Variants in COL14A1 observed in about 807,000 individuals in gnomAD.
COL14A1 encodes the protein collagen alpha-1(XIV) chain.
A neutral mutation model predicts 230.3 loss-of-function variants in COL14A1; 136 were observed. The observed-to-expected ratio is 0.59, with a 90% CI of 0.51 to 0.68. COL14A1 has a LOEUF of 0.68. Among genes scored for constraint, COL14A1 ranks in the 30% least tolerant of loss-of-function variants. The pLI is 0.00. For synonymous variants in COL14A1, 792 were observed against 784.1 expected (o/e 1.01, Z -0.17); for missense variants, 1,976 against 2,215.8 (o/e 0.89, Z 2.17).
At chr8:120,209,684 T>C (rs1817560702) in intron 11 of COL14A1, 72 bp from the exon 12 acceptor site, 3 of 1,444,658 alleles carry the variant, frequency 2.1e-6, no homozygotes, top group Non-Finnish European at 2.8e-6. Flanking sequence ...TCAATCTTAT[T>C]TCTTGATAAT....
chr8:120,335,288 A>G (rs1822016956), intron 42 of COL14A1, among the ~76,000 whole-genome samples: 1 of 152,230 alleles, frequency 6.6e-6, no homozygotes, highest in African/African-American at 2.4e-5. Flanking sequence ...CCCACAAATA[A>G]AACACTTGTT....
intron 34 of COL14A1, among the ~76,000 whole-genome samples, chr8:120,292,904 G>A (rs777775680): frequency 1.3e-5 from 2 of 151,994 alleles, no homozygotes; most frequent in African/African-American, 2.4e-5. Context: ...TAGAAATTAC[G>A]TTCTTAATAA....
chr8:120,171,208 A>C (rs1430812431), intron 5 of COL14A1, among the ~76,000 whole-genome samples: 2 of 152,170 alleles, frequency 1.3e-5, no homozygotes, highest in African/African-American at 4.8e-5. Context: ...GAATTTAATA[A>C]TGCTTTAAAT....
intron 45 of COL14A1, among the ~76,000 whole-genome samples, chr8:120,348,503 G>T (rs1424056776): frequency 6.6e-6 from 1 of 151,962 alleles, no homozygotes; most frequent in Non-Finnish European, 1.5e-5. Flanking sequence ...GCATAAGAAT[G>T]ATACAATGGA....
chr8:120,371,151 G>T lies in COL14A1; in HGVS notation c.5312-1G>T, dbSNP rs1296908592. ...TCCCCACCCCCACTTTTCCTCTTTA[G>T]CTCCCCATCCAGATCAGCCAGAGTT... On this transcript the variant is annotated splice_acceptor_variant, in intron 47 of 47. Coordinates refer to ENST00000297848, the MANE Select transcript of COL14A1 (RefSeq NM_021110.4). LOFTEE classifies it high-confidence loss of function. The T allele has an allele frequency of 6.2e-7, 1 of 1,605,538 alleles. No individual in the cohort carries two copies. Among genetic ancestry groups the T allele is most frequent in the Non-Finnish European group, 8.5e-7 (1 of 1,176,948 alleles).
At chr8:120,240,283 T>A (rs1225071602) in intron 19 of COL14A1, among the ~76,000 whole-genome samples, 1 of 152,134 alleles carries the variant, frequency 6.6e-6, no homozygotes, top group East Asian at 1.9e-4. Flanking sequence ...AAATAAGATA[T>A]GTACACACTT....
intron 3 of COL14A1, 95 bp from the exon 4 acceptor site, chr8:120,162,331 C>T: frequency 1.0e-6 from 1 of 989,424 alleles, no homozygotes; most frequent in Non-Finnish European, 1.4e-6. Flanking sequence ...AATGCCTTTA[C>T]TGTTTAACAC....
intron 5 of COL14A1, among the ~76,000 whole-genome samples, chr8:120,191,447 G>T (rs1430038136): frequency 1.3e-5 from 2 of 149,320 alleles, no homozygotes; most frequent in Admixed American, 6.6e-5. Flanking sequence ...CATTTGCTGA[G>T]GAGAGCTTTA....
At chr8:120,181,221 G>T (rs1426560645) in intron 5 of COL14A1, among the ~76,000 whole-genome samples, 1 of 152,148 alleles carries the variant, frequency 6.6e-6, no homozygotes, top group Non-Finnish European at 1.5e-5. Flanking sequence ...CAACTATGGG[G>T]AGCTTTAAAA....
intron 8 of COL14A1, 91 bp downstream of exon 8, chr8:120,199,657 G>A: frequency 7.3e-7 from 1 of 1,367,628 alleles, no homozygotes; most frequent in Non-Finnish European, 1.0e-6. Context: ...TTCACTGAAA[G>A]CCAGGAGACC....
chr8:120,314,920 A>T (rs1352152808), intron 38 of COL14A1, among the ~76,000 whole-genome samples: 2 of 152,274 alleles, frequency 1.3e-5, no homozygotes, highest in Non-Finnish European at 2.9e-5. Flanking sequence ...TCCAAGCCGT[A>T]AATAATACTG....
At chr8:120,233,909 A>G (rs1013591089) in intron 19 of COL14A1, among the ~76,000 whole-genome samples, 2 of 152,222 alleles carry the variant, frequency 1.3e-5, no homozygotes, top group Admixed American at 1.3e-4. Flanking sequence ...TACTTTGGGC[A>G]ATATGGCCAT....
chr8:120,288,701 A>G (rs1820284182), intron 33 of COL14A1, among the ~76,000 whole-genome samples: 1 of 152,262 alleles, frequency 6.6e-6, no homozygotes, highest in East Asian at 1.9e-4. Context: ...ATTGACCAAC[A>G]TGGTTTTTCT....
chr8:120,247,634 A>G lies in COL14A1; in HGVS notation c.2501A>G (p.Asn834Ser), dbSNP rs767598820. Residue 834 changes from asparagine (N) to serine (S), a missense_variant, in exon 21 of 48, where the codon AAC (asparagine) becomes AGC (serine). Around this residue, in one of 3 missense-constraint regions of COL14A1, gnomAD observed 1,791 missense variants for 2,019.5 expected, o/e 0.89. Coordinates refer to ENST00000297848, the MANE Select transcript of COL14A1 (RefSeq NM_021110.4). Reference sequence around the variant, plus strand: ...TCAGTACCATCCTCGGGGCCCCAGAACTTGCGGGTGTCCGAGGAATGGTAT... The same window carrying G: ...TCAGTACCATCCTCGGGGCCCCAGAGCTTGCGGGTGTCCGAGGAATGGTAT... The part of the protein sequence containing the change: ...GKTLPSSGPQ[N>S]LRVSEEWYNR... The G allele has an allele frequency of 3.7e-6, 6 of 1,614,056 alleles. No homozygotes were observed. Among genetic ancestry groups the G allele is most frequent in the Non-Finnish European group, 4.2e-6 (5 of 1,179,992 alleles).
chr8:120,263,533 C>T (rs1819406415), intron 24 of COL14A1, among the ~76,000 whole-genome samples: 1 of 152,186 alleles, frequency 6.6e-6, no homozygotes, highest in African/African-American at 2.4e-5. Context: ...TAAAACAAAG[C>T]TCTTTTTACA....
At chr8:120,161,671 T>C (rs1164812906) in intron 3 of COL14A1, among the ~76,000 whole-genome samples, 1 of 149,856 alleles carries the variant, frequency 6.7e-6, no homozygotes, top group Non-Finnish European at 1.5e-5. Context: ...CCCCTTCACA[T>C]TTTTTTTTTG....
chr8:120,231,801 A>G, intron 19 of COL14A1, 183 bp downstream of exon 19: 1 of 591,478 alleles, frequency 1.7e-6, no homozygotes, highest in Non-Finnish European at 2.8e-6. Context: ...TATAAATCCA[A>G]AACTTGCTCC....
rs200486928 is a variant in COL14A1 at position 120,266,905 on chromosome 8, T to C, written c.3073+22T>C. The C allele has an allele frequency of 7.9e-5, 124 of 1,577,710 alleles. No individual in the cohort carries two copies. In the African/African-American group the frequency reaches 1.5e-3, roughly 19 times the overall value. ...GAAGGTAAAAGAATAATAGAATAAT[T>C]ATCTGATTCTAGGTTTAGGATTTGT... On this transcript the variant is annotated intron_variant, in intron 25 of 47. Coordinates refer to ENST00000297848, the MANE Select transcript of COL14A1 (RefSeq NM_021110.4).
At chr8:120,285,502 G>T (rs576290518) in intron 32 of COL14A1, among the ~76,000 whole-genome samples, 1 of 150,166 alleles carries the variant, frequency 6.7e-6, no homozygotes, top group African/African-American at 2.4e-5. Flanking sequence ...CAAAGGGCCT[G>T]GTTTCTATTC....
Sources: allele counts gnomAD v4.1 joint callset (sites outside exome capture counted in the v4.1 genomes callset), GRCh38; gene constraint gnomAD v4.1.1; regional missense constraint gnomAD v4.1.1; transcripts MANE v1.5; gene names NCBI Gene and HGNC (gene_info 2026-07-23, HGNC 2026-07-21).